MYT1L: variants seen among roughly 807,000 people sequenced by gnomAD.
MYT1L encodes the protein myelin transcription factor 1 like, also known as myelin transcription factor 1-like protein.
In MYT1L, 12 loss-of-function variants were observed where a neutral mutation model predicts 126.7. That is an observed-to-expected ratio of 0.09 (90% CI 0.06 to 0.15). MYT1L has a LOEUF of 0.15. Ranked by LOEUF, MYT1L falls within the 10% of genes least tolerant of loss-of-function variation. The pLI is 1.00. For missense variants in MYT1L, 979 were observed against 1,585.2 expected (o/e 0.62, Z 6.49); for synonymous variants, 541 against 604.2 (o/e 0.90, Z 1.53).
chr2:2,072,456 G>A (rs1434511631), intron 3 of MYT1L, among the ~76,000 whole-genome samples: 2 of 152,108 alleles, frequency 1.3e-5, no homozygotes, highest in African/African-American at 2.4e-5. Context: ...ACTCAGAATC[G>A]TCTTCCTGTC....
intron 3 of MYT1L, among the ~76,000 whole-genome samples, chr2:2,092,240 T>C (rs548913335): frequency 1.3e-5 from 2 of 152,278 alleles, no homozygotes; most frequent in African/African-American, 2.4e-5. Context: ...TTGGAGGTCA[T>C]TGCAGGGTTG....
chr2:2,158,648 C>CACGCGT (rs1553518951), intron 3 of MYT1L, among the ~76,000 whole-genome samples: 1 of 149,524 alleles, frequency 6.7e-6, no homozygotes, highest in Non-Finnish European at 1.5e-5. Context: ...CACACACACA[C>CACGCGT]GCGTAGGTGG....
chr2:2,081,830 C>A (rs1575045547), intron 3 of MYT1L, among the ~76,000 whole-genome samples: 1 of 152,138 alleles, frequency 6.6e-6, no homozygotes, highest in East Asian at 1.9e-4. Flanking sequence ...ACCTCCGCCT[C>A]CTGGGTTCAA....
At position 1,951,416 on chromosome 2, in the gene MYT1L, A is replaced by G. The variant is rs573522893; in HGVS notation, c.153-8082T>C. On this transcript the variant is annotated intron_variant, in intron 8 of 24. Coordinates refer to ENST00000647738, the MANE Select transcript of MYT1L (RefSeq NM_001303052.2). ...GAGGCTGGCCCAGGAGACACAACCC[A>G]CAGACCCTCAGTCATATCCACAGGA... Among the ~76,000 whole-genome samples, 4 of 152,242 alleles carry G rather than the reference A, an allele frequency of 2.6e-5. No individual in the cohort carries two copies. In the East Asian group the frequency reaches 7.7e-4, roughly 29 times the overall value.
chr2:1,939,873 T>C (rs535577044), intron 9 of MYT1L, among the ~76,000 whole-genome samples: 3 of 152,340 alleles, frequency 2.0e-5, no homozygotes, highest in Admixed American at 2.0e-4. Flanking sequence ...GAGACGTCCT[T>C]CTCCCAGAGA....
intron 1 of MYT1L, among the ~76,000 whole-genome samples, chr2:2,293,920 T>A (rs1015892857): frequency 6.6e-6 from 1 of 152,178 alleles, no homozygotes; most frequent in Non-Finnish European, 1.5e-5. Context: ...CTCTGAGGGA[T>A]GCTTCTGGAT....
chr2:2,046,284 G>T (rs2068179851), intron 4 of MYT1L, among the ~76,000 whole-genome samples: 2 of 152,110 alleles, frequency 1.3e-5, no homozygotes, highest in South Asian at 2.1e-4. Context: ...TACATGCATG[G>T]TTTTTTCACC....
At chr2:2,066,044 TA>T (rs1219062975) in intron 3 of MYT1L, among the ~76,000 whole-genome samples, 1 of 152,188 alleles carries the variant, frequency 6.6e-6, no homozygotes, top group East Asian at 1.9e-4. Context: ...CCCTTCCCAC[TA>T]AATGTTTAAA....
intron 2 of MYT1L, among the ~76,000 whole-genome samples, chr2:2,184,495 T>C (rs2091908062): frequency 1.3e-5 from 2 of 152,190 alleles, no homozygotes; most frequent in Non-Finnish European, 2.9e-5. Flanking sequence ...ATGAGTTTAA[T>C]GTGTCAAAGT....
chr2:1,939,060 ACTTT>A (rs2149239099), intron 9 of MYT1L, among the ~76,000 whole-genome samples: 1 of 152,306 alleles, frequency 6.6e-6, no homozygotes, highest in African/African-American at 2.4e-5. Context: ...ATCGCCTGAG[ACTTT>A]CTCTCTACTC....
rs1380307726 is a variant in MYT1L at position 2,187,498 on chromosome 2, T to G, written c.-420-14510A>C. ...TTACCCAGCTTAGTTCCAAATCAGC[T>G]CAGTATTGATGAGCGGCAGAGGGAG... is the stretch of plus-strand genomic sequence containing the variant. On this transcript the variant is annotated intron_variant, in intron 2 of 24. Transcript: ENST00000647738. Among the ~76,000 whole-genome samples, 4 of 151,608 alleles carry G rather than the reference T, an allele frequency of 2.6e-5. No homozygotes were observed. The East Asian group carries it at 7.8e-4, about 29-fold the overall frequency.
intron 2 of MYT1L, among the ~76,000 whole-genome samples, chr2:2,195,095 G>A (rs924561639): frequency 5.9e-5 from 9 of 152,248 alleles, no homozygotes; most frequent in Non-Finnish European, 1.0e-4. Flanking sequence ...AATCAGTCAT[G>A]ATGTGCACAG....
At chr2:2,279,780 G>A (rs1299486198) in intron 2 of MYT1L, among the ~76,000 whole-genome samples, 1 of 152,172 alleles carries the variant, frequency 6.6e-6, no homozygotes, top group Non-Finnish European at 1.5e-5. Context: ...GGTTTTTAAT[G>A]TATACCCTCA....
In MYT1L at chr2:2,281,174, G is replaced by A. The variant is rs950363138; in HGVS notation, c.-421+3230C>T. On this transcript the variant is annotated intron_variant, in intron 2 of 24. Coordinates refer to ENST00000647738, the MANE Select transcript of MYT1L (RefSeq NM_001303052.2). ...CATGAGATCAGATGGCTTTATCAGG[G>A]GCTTTCCCTGCTTTGCTCAGCACTT... is the stretch of plus-strand genomic sequence containing the variant. Among the ~76,000 whole-genome samples, 28 of 152,278 alleles carry A rather than the reference G, an allele frequency of 1.8e-4. No homozygotes were observed. In the East Asian group the frequency reaches 5.2e-3, roughly 28 times the overall value.
At chr2:1,986,384 C>T (rs534569483) in intron 5 of MYT1L, among the ~76,000 whole-genome samples, 3 of 152,220 alleles carry the variant, frequency 2.0e-5, no homozygotes, top group East Asian at 3.9e-4. Flanking sequence ...CCTTTCAGAG[C>T]TTCAAAAAAA....
At chr2:2,160,206 G>A (rs372786883) in intron 3 of MYT1L, among the ~76,000 whole-genome samples, 30 of 152,310 alleles carry the variant, frequency 2.0e-4, no homozygotes, top group Admixed American at 7.2e-4. Context: ...CAAGAAAGAC[G>A]ATGTAGGCTT....
In MYT1L at chr2:1,912,193, A is replaced by G; in HGVS notation, c.1619-83T>C. 2 of 972,258 alleles carry G rather than the reference A, an allele frequency of 2.1e-6. No individual in the cohort carries two copies. The highest frequency in any genetic ancestry group is 3.0e-6 in the Non-Finnish European group (2 of 660,802). 60.2% of individuals were successfully genotyped at this position (972,258 alleles called of 1,614,324 possible). A position where few individuals can be genotyped will look rare whatever the true frequency, so the allele number is the denominator to read the frequency against. ...ACATGAAAATGCAGTCATTTAACAA[A>G]GGCCAGGTCGCTCATGATAGACAGT... On this transcript the variant is annotated intron_variant, in intron 11 of 24. Coordinates refer to ENST00000647738, the MANE Select transcript of MYT1L (RefSeq NM_001303052.2). This position sits in a 1 kb window ranked among gnomAD's most constrained non-coding sequence, Gnocchi z 4.3.
Position 1,912,851 on chromosome 2 carries a change from G to T in MYT1L, c.1619-741C>A, listed in dbSNP as rs988660956. ...TTGAATTTTCCCAGCAGTGGTGTTG[G>T]ACCTGAATTATTTGTGTCTTCCTTC... On this transcript the variant is annotated intron_variant, in intron 11 of 24. Coordinates refer to ENST00000647738, the MANE Select transcript of MYT1L (RefSeq NM_001303052.2). This position sits in a 1 kb window ranked among gnomAD's most constrained non-coding sequence, Gnocchi z 4.3. 6.6e-6 allele frequency among the ~76,000 whole-genome samples: 1 copy of T among 152,140 alleles called. No homozygotes were observed. Among genetic ancestry groups the T allele is most frequent in the Non-Finnish European group, 1.5e-5 (1 of 68,028 alleles).
intron 4 of MYT1L, among the ~76,000 whole-genome samples, chr2:2,038,488 C>T (rs1266154661): frequency 6.6e-6 from 1 of 152,138 alleles, no homozygotes; most frequent in Non-Finnish European, 1.5e-5. Flanking sequence ...CCAGCGCTGC[C>T]TCCCTGGCGT....
Sources: allele counts gnomAD v4.1 joint callset (sites outside exome capture counted in the v4.1 genomes callset), GRCh38; gene constraint gnomAD v4.1.1; non-coding constraint Gnocchi (gnomAD v3.1); transcripts MANE v1.5; gene names NCBI Gene and HGNC (gene_info 2026-07-23, HGNC 2026-07-21).